The following EFCAB13 variants were observed in gnomAD, a reference collection of about 807,000 sequenced individuals.
The protein encoded by EFCAB13 is EF-hand calcium-binding domain-containing protein 13.
In EFCAB13, 91 loss-of-function variants were observed where a neutral mutation model predicts 110.2. The observed-to-expected ratio is 0.83, with a 90% CI of 0.70 to 0.98. EFCAB13 has a LOEUF of 0.98. Ranked by LOEUF, EFCAB13 falls within the 50% of genes least tolerant of loss-of-function variation. EFCAB13 has a pLI of 0.00. For synonymous variants in EFCAB13, 323 were observed against 369.9 expected (o/e 0.87, Z 1.45); for missense variants, 968 against 1,119.4 (o/e 0.86, Z 1.93).
chr17:47,356,016 T>C (rs1288496430), intron 9 of EFCAB13, among the ~76,000 whole-genome samples: 2 of 152,160 alleles, frequency 1.3e-5, no homozygotes, highest in Admixed American at 6.5e-5. Flanking sequence ...ATTTTGCGTT[T>C]CTTTAAGTGT....
At position 47,347,178 on chromosome 17, in the gene EFCAB13, G is replaced by A. The variant is rs561002125; in HGVS notation, c.518-630G>A. 7.7e-4 allele frequency among the ~76,000 whole-genome samples: 117 copies of A among 152,244 alleles called. 2 individuals carry two copies. In the South Asian group the frequency reaches 0.023, roughly 30 times the overall value. Reference sequence around the variant, plus strand: ...GCTACTGGAGAGGCTGAGGTAGGAGGATTGTTTAAGCCCAGGATTTCGCGA... The same window carrying A: ...GCTACTGGAGAGGCTGAGGTAGGAGAATTGTTTAAGCCCAGGATTTCGCGA... On this transcript the variant is annotated intron_variant, in intron 8 of 24. Coordinates refer to ENST00000331493, the MANE Select transcript of EFCAB13 (RefSeq NM_152347.5).
intron 18 of EFCAB13, among the ~76,000 whole-genome samples, chr17:47,403,457 A>G (rs1037053851): frequency 4.6e-5 from 7 of 152,204 alleles, no homozygotes; most frequent in Non-Finnish European, 7.3e-5. Flanking sequence ...ACACTAGGGT[A>G]CAATTGGGTC....
chr17:47,393,112 G>A (rs532567836), intron 15 of EFCAB13, among the ~76,000 whole-genome samples: 30 of 150,608 alleles, frequency 2.0e-4, no homozygotes, highest in African/African-American at 7.1e-4. Flanking sequence ...AAAAAAAAAA[G>A]AGGGATCTGT....
intron 15 of EFCAB13, among the ~76,000 whole-genome samples, chr17:47,393,026 T>G (rs1449460392): frequency 2.0e-5 from 3 of 152,088 alleles, no homozygotes; most frequent in Non-Finnish European, 4.4e-5. Context: ...CACAAGTTGC[T>G]AATAATCACA....
chr17:47,378,933 GC>G (rs960828641), intron 13 of EFCAB13, among the ~76,000 whole-genome samples: 15 of 152,036 alleles, frequency 9.9e-5, no homozygotes, highest in African/African-American at 3.6e-4. Flanking sequence ...TATTGAGAAA[GC>G]AAGGACTGTG....
At chr17:47,351,230 G>A (rs1285626369) in intron 9 of EFCAB13, among the ~76,000 whole-genome samples, 2 of 150,322 alleles carry the variant, frequency 1.3e-5, no homozygotes. Context: ...CATCCATGTT[G>A]CTGTAAAATA....
intron 16 of EFCAB13, among the ~76,000 whole-genome samples, chr17:47,395,445 G>A (rs1314733214): frequency 6.6e-6 from 1 of 152,182 alleles, no homozygotes; most frequent in Non-Finnish European, 1.5e-5. Flanking sequence ...GTTGTCTACA[G>A]TGGTAGATTG....
chr17:47,440,752 A>T lies in EFCAB13; in HGVS notation c.*38A>T. The T allele has an allele frequency of 6.8e-7, 1 of 1,462,952 alleles. No individual in the cohort carries two copies. The highest frequency in any genetic ancestry group is 1.5e-5 in the South Asian group (1 of 68,702). The allele number at this position is 1,462,952 out of a possible 1,614,324, so 90.6% of individuals were successfully genotyped here. A position where few individuals can be genotyped will look rare whatever the true frequency, so the allele number is the denominator to read the frequency against. On this transcript the variant is annotated 3_prime_UTR_variant, in exon 25 of 25. Coordinates refer to ENST00000331493, the MANE Select transcript of EFCAB13 (RefSeq NM_152347.5). ...GATAGTGCTAGAAAATTACTAGATT[A>T]TATATTATTCAGTATGCATATTTGA...
At chr17:47,383,348 T>C (rs1367546697) in intron 14 of EFCAB13, among the ~76,000 whole-genome samples, 1 of 152,200 alleles carries the variant, frequency 6.6e-6, no homozygotes, top group Non-Finnish European at 1.5e-5. Context: ...CTCTTGCTTC[T>C]CTAGTTCTTT....
At chr17:47,342,209 T>C (rs1220755274) in intron 6 of EFCAB13, among the ~76,000 whole-genome samples, 177 bp downstream of exon 6, 6 of 152,038 alleles carry the variant, frequency 3.9e-5, no homozygotes, top group Admixed American at 3.3e-4. Flanking sequence ...AAAAAAAAAA[T>C]AGAACAAGGA....
chr17:47,364,598 A>C (rs11867589), intron 10 of EFCAB13, among the ~76,000 whole-genome samples: 3,441 of 152,172 alleles, frequency 0.023, 107 homozygotes, highest in East Asian at 0.18. Flanking sequence ...GACGTGATCT[A>C]TTTCTCTTTA....
intron 4 of EFCAB13, among the ~76,000 whole-genome samples, chr17:47,334,126 GT>G (rs139319285): frequency 2.4e-3 from 356 of 148,404 alleles, no homozygotes; most frequent in African/African-American, 5.8e-3. Flanking sequence ...AAGTTTTATA[GT>G]TTTTTTTTTG....
At chr17:47,383,188 G>A (rs1376904664) in intron 14 of EFCAB13, among the ~76,000 whole-genome samples, 1 of 151,724 alleles carries the variant, frequency 6.6e-6, no homozygotes, top group East Asian at 1.9e-4. Context: ...TTCTTTATTA[G>A]TCTTGCTAGC....
chr17:47,332,337 A>G (rs2065324271), intron 4 of EFCAB13, among the ~76,000 whole-genome samples: 1 of 152,154 alleles, frequency 6.6e-6, no homozygotes, highest in Non-Finnish European at 1.5e-5. Flanking sequence ...ATAATGTAGT[A>G]TTTTGATCTA....
chr17:47,375,625 A>G (rs1659242702), intron 12 of EFCAB13, among the ~76,000 whole-genome samples: 1 of 152,170 alleles, frequency 6.6e-6, no homozygotes, highest in African/African-American at 2.4e-5. Context: ...ACTAATGGAT[A>G]TAATATTGTG....
chr17:47,396,644 A>G (rs1328583122), intron 17 of EFCAB13, among the ~76,000 whole-genome samples: 1 of 152,200 alleles, frequency 6.6e-6, no homozygotes, highest in Non-Finnish European at 1.5e-5. Flanking sequence ...GAATGTTTAT[A>G]CAGAACTAGA....
chr17:47,438,188 G>A (rs1158168484), intron 24 of EFCAB13, among the ~76,000 whole-genome samples: 1 of 152,128 alleles, frequency 6.6e-6, no homozygotes, highest in Non-Finnish European at 1.5e-5. Flanking sequence ...AGGTTACCTG[G>A]TGCTTCTGTC....
intron 14 of EFCAB13, among the ~76,000 whole-genome samples, chr17:47,379,845 T>C (rs2065637089): frequency 1.3e-5 from 2 of 152,178 alleles, no homozygotes; most frequent in African/African-American, 2.4e-5. Context: ...TTTATACATA[T>C]GCTAAAAACG....
At chr17:47,383,130 T>C (rs2065656252) in intron 14 of EFCAB13, among the ~76,000 whole-genome samples, 1 of 152,178 alleles carries the variant, frequency 6.6e-6, no homozygotes, top group African/African-American at 2.4e-5. Flanking sequence ...AGTGCTGATA[T>C]CCCCTTTATC....
Sources: allele counts gnomAD v4.1 joint callset (sites outside exome capture counted in the v4.1 genomes callset), GRCh38; gene constraint gnomAD v4.1.1; transcripts MANE v1.5; gene names NCBI Gene and HGNC (gene_info 2026-07-23, HGNC 2026-07-21).